Variants in ZNF292 observed in about 807,000 individuals in gnomAD.
ZNF292 encodes the protein 16 zinc-finger domain protein.
In ZNF292, 26 loss-of-function variants were observed where a neutral mutation model predicts 217.9. That is an observed-to-expected ratio of 0.12 (90% CI 0.09 to 0.17). ZNF292 has a LOEUF of 0.17. ZNF292 is among the 10% of genes least tolerant of loss of function. The pLI is 1.00. For missense variants in ZNF292, 2,904 were observed against 3,175.2 expected (o/e 0.91, Z 2.05); for synonymous variants, 1,257 against 1,124.1 (o/e 1.12, Z -2.37).
At position 87,258,946 on chromosome 6, in the gene ZNF292, G is replaced by C. The variant is rs1775399404; in HGVS notation, c.5317G>C (p.Val1773Leu). The C allele has an allele frequency of 1.2e-6, 2 of 1,612,390 alleles. No individual in the cohort carries two copies. The highest frequency in any genetic ancestry group is 3.3e-5 in the Admixed American group (2 of 59,734). Residue 1773 changes from valine to leucine, a missense_variant, in exon 8 of 8, where the codon GTA becomes CTA. This residue lies in a region of ZNF292 where 622 missense variants were observed against 573.1 expected (regional missense o/e 1.09). Coordinates refer to ENST00000369577, the MANE Select transcript of ZNF292 (RefSeq NM_015021.3). ...TGCTATGAATTCTCAAATACTTGAG[G>C]TAAAAAGTGGATCTCAGGGTGCTGG... ...KTAMNSQILE[V>L]KSGSQGAGET...
intron 1 of ZNF292, among the ~76,000 whole-genome samples, chr6:87,161,690 A>G (rs764394087): frequency 6.6e-6 from 1 of 152,254 alleles, no homozygotes; most frequent in African/African-American, 2.4e-5. Context: ...TGCTGGGACT[A>G]TAGGCGTGAG....
At chr6:87,243,923 A>G (rs1160189757) in intron 6 of ZNF292, among the ~76,000 whole-genome samples, 1 of 152,204 alleles carries the variant, frequency 6.6e-6, no homozygotes, top group East Asian at 1.9e-4. Context: ...TAGATATGTA[A>G]GCAATACATT....
intron 1 of ZNF292, among the ~76,000 whole-genome samples, chr6:87,184,490 T>TTTTTTTG (rs1771576012): frequency 6.7e-6 from 1 of 150,340 alleles, no homozygotes; most frequent in African/African-American, 2.5e-5. Context: ...TTTTTTTTTT[T>TTTTTTTG]GAGGGGACAG....
At chr6:87,164,721 C>T (rs904694691) in intron 1 of ZNF292, among the ~76,000 whole-genome samples, 9 of 152,018 alleles carry the variant, frequency 5.9e-5, no homozygotes, top group East Asian at 1.9e-4. Context: ...GAGGCATCCC[C>T]GCCCCATCAC....
chr6:87,176,299 G>A (rs903796761), intron 1 of ZNF292, among the ~76,000 whole-genome samples: 8 of 152,328 alleles, frequency 5.3e-5, no homozygotes, highest in Non-Finnish European at 1.2e-4. Flanking sequence ...AGACAGTGGT[G>A]GGGAAATGTG....
chr6:87,225,564 G>C (rs559797115), intron 4 of ZNF292, among the ~76,000 whole-genome samples: 2 of 152,184 alleles, frequency 1.3e-5, no homozygotes, highest in African/African-American at 4.8e-5. Context: ...CTTAATTTAT[G>C]TTTAGTGAAT....
At chr6:87,251,997 A>G (rs375135169) in intron 7 of ZNF292, among the ~76,000 whole-genome samples, 10 of 152,348 alleles carry the variant, frequency 6.6e-5, no homozygotes, top group African/African-American at 2.2e-4. Context: ...CTTGTGAGCA[A>G]TAAGTAGAAT....
chr6:87,157,623 G>A (rs767230574), intron 1 of ZNF292, among the ~76,000 whole-genome samples: 6 of 152,146 alleles, frequency 3.9e-5, no homozygotes, highest in Non-Finnish European at 7.4e-5. Context: ...TCTCATGCAA[G>A]CTGGACTCCC....
At chr6:87,229,587 C>T (rs1562157206) in intron 4 of ZNF292, among the ~76,000 whole-genome samples, 1 of 152,102 alleles carries the variant, frequency 6.6e-6, no homozygotes, top group Non-Finnish European at 1.5e-5. Context: ...CCTCCACGCC[C>T]AGCTAATTTT....
At chr6:87,172,319 C>T (rs1464737965) in intron 1 of ZNF292, among the ~76,000 whole-genome samples, 1 of 152,158 alleles carries the variant, frequency 6.6e-6, no homozygotes, top group Admixed American at 6.5e-5. Flanking sequence ...CTCCAAGACA[C>T]ACCAGAATCA....
chr6:87,163,323 C>T (rs1582365842), intron 1 of ZNF292, among the ~76,000 whole-genome samples: 1 of 151,980 alleles, frequency 6.6e-6, no homozygotes, highest in African/African-American at 2.4e-5. Context: ...TGGTGATGGA[C>T]ACCTGTTGTC....
Position 87,255,852 on chromosome 6 carries a change from A to C in ZNF292, c.2223A>C (p.Leu741Phe). Reference protein sequence around the residue: ...FVSVTHLNDHLQMHCGSKPYI... With the variant: ...FVSVTHLNDHFQMHCGSKPYI... Reference sequence around the variant, plus strand: ...GTGTTACTCATCTCAATGATCACTTACAGATGCACTGTGGCAGTAAACCAT... The same window carrying C: ...GTGTTACTCATCTCAATGATCACTTCCAGATGCACTGTGGCAGTAAACCAT... The change falls in exon 8 of 8, where the codon TTA (leucine) becomes TTC (phenylalanine). Residue 741 changes from leucine (L) to phenylalanine (F), a missense_variant. By Grantham distance (22) the Leu-to-Phe change is conservative (BLOSUM62 0). This residue lies in a region of ZNF292 where 216 missense variants were observed against 308.3 expected (regional missense o/e 0.70). Transcript: ENST00000369577. The C allele has an allele frequency of 6.2e-7, 1 of 1,613,878 alleles. No individual in the cohort carries two copies. Among genetic ancestry groups the C allele is most frequent in the Non-Finnish European group, 8.5e-7 (1 of 1,179,844 alleles).
chr6:87,216,305 T>C lies in ZNF292; in HGVS notation c.330T>C (p.Cys110=). ...CCAACTTTTTGTTTTTTAGAAGCTGTGTTGAACTTTTACTGTGTCTGCCTG... is the reference window on the plus strand; with the variant it reads ...CCAACTTTTTGTTTTTTAGAAGCTGCGTTGAACTTTTACTGTGTCTGCCTG... ...ALVLERLALS[C]VELLLCLPVE... Residue 110 remains cysteine, a synonymous_variant, in exon 3 of 8, where the codon TGT becomes TGC. Transcript: ENST00000369577. 1 of 1,577,332 alleles carries C rather than the reference T, an allele frequency of 6.3e-7. No homozygotes were observed. The highest frequency in any genetic ancestry group is 1.8e-5 in the Admixed American group (1 of 54,778).
At chr6:87,169,370 C>T (rs890009015) in intron 1 of ZNF292, among the ~76,000 whole-genome samples, 2 of 151,714 alleles carry the variant, frequency 1.3e-5, no homozygotes, top group Admixed American at 6.6e-5. Context: ...TATTTTCCAT[C>T]GAGTTTTGTT....
intron 7 of ZNF292, among the ~76,000 whole-genome samples, chr6:87,251,129 G>A (rs554991372): frequency 6.4e-4 from 97 of 152,276 alleles, no homozygotes; most frequent in African/African-American, 2.2e-3. Context: ...TGAGAGAATG[G>A]AATATTTGGG....
At chr6:87,161,394 G>A (rs1770750001) in intron 1 of ZNF292, among the ~76,000 whole-genome samples, 1 of 152,128 alleles carries the variant, frequency 6.6e-6, no homozygotes, top group African/African-American at 2.4e-5. Flanking sequence ...ATGTCAAAAG[G>A]CAGTGTATTA....
intron 1 of ZNF292, among the ~76,000 whole-genome samples, chr6:87,160,657 A>G (rs867977775): frequency 7.4e-5 from 10 of 134,770 alleles, no homozygotes; most frequent in South Asian, 2.4e-4. Flanking sequence ...GTGTGTGTGT[A>G]TATATACATA....
intron 1 of ZNF292, among the ~76,000 whole-genome samples, chr6:87,156,017 G>A (rs951249695): frequency 1.3e-5 from 2 of 152,242 alleles, no homozygotes; most frequent in African/African-American, 2.4e-5. Flanking sequence ...CCCTGAACTC[G>A]GGACTGCGCG....
At chr6:87,190,400 G>A (rs757721539) in intron 1 of ZNF292, among the ~76,000 whole-genome samples, 2 of 152,138 alleles carry the variant, frequency 1.3e-5, no homozygotes, top group Admixed American at 6.6e-5. Context: ...CTTGCTTACA[G>A]GGAAATTTAT....
Sources: allele counts gnomAD v4.1 joint callset (sites outside exome capture counted in the v4.1 genomes callset), GRCh38; gene constraint gnomAD v4.1.1; regional missense constraint gnomAD v4.1.1; transcripts MANE v1.5; gene names NCBI Gene and HGNC (gene_info 2026-07-23, HGNC 2026-07-21).